Variants in SYT7 observed in about 807,000 individuals in gnomAD.
SYT7 encodes synaptotagmin-7.
A neutral mutation model predicts 75.1 loss-of-function variants in SYT7; 29 were observed. That is an observed-to-expected ratio of 0.39 (90% CI 0.29 to 0.53). The LOEUF (loss-of-function observed/expected upper bound fraction) is 0.53. Among genes scored for constraint, SYT7 ranks in the 20% least tolerant of loss-of-function variants. The pLI is 0.77. For synonymous variants in SYT7, 376 were observed against 401.7 expected (o/e 0.94, Z 0.76); for missense variants, 693 against 953.2 (o/e 0.73, Z 3.59).
chr11:61,551,300 T>C lies in SYT7; in HGVS notation c.215+84A>G. 1 of 1,279,606 alleles carries C rather than the reference T, an allele frequency of 7.8e-7. No individual in the cohort carries two copies. 79.3% of individuals were successfully genotyped at this position (1,279,606 alleles called of 1,614,324 possible). ...GGGGAAGTGAAAGTGTGTGGTCAGG[T>C]CTGTGGGGCTGGGGGAGAGAAGGGG... On this transcript the variant is annotated intron_variant, in intron 3 of 12. Transcript: ENST00000539008. The surrounding 1 kb of genome is among the most constrained non-coding windows in gnomAD (Gnocchi z 5.3).
Position 61,524,037 on chromosome 11 carries a change from G to C in SYT7, c.1642-96C>G, listed in dbSNP as rs1466231874. ...AGGTCCCCTCTACCCTGACCTTGGT[G>C]CTTACCCATGCCCCTGTCTGTCACC... On this transcript the variant is annotated intron_variant, in intron 10 of 12. Transcript: ENST00000539008. This position sits in a 1 kb window ranked among gnomAD's most constrained non-coding sequence, Gnocchi z 4.1. 5.5e-6 allele frequency: 6 copies of C among 1,087,778 alleles called. No homozygotes were observed. Among genetic ancestry groups the C allele is most frequent in the Non-Finnish European group, 8.3e-6 (6 of 720,858 alleles). 67.4% of individuals were successfully genotyped at this position (1,087,778 alleles called of 1,614,324 possible). A position where few individuals can be genotyped will look rare whatever the true frequency, so the allele number is the denominator to read the frequency against.
chr11:61,518,789 C>G (rs1409861951), intron 12 of SYT7, 58 bp from the exon 13 acceptor site: 2 of 1,308,810 alleles, frequency 1.5e-6, no homozygotes, highest in African/African-American at 3.0e-5. Context: ...TGGCCCTTTC[C>G]CCCACAGGGG....
chr11:61,534,435 G>GCACA (rs1167722454), intron 7 of SYT7, among the ~76,000 whole-genome samples: 51 of 6,704 alleles, frequency 7.6e-3, no homozygotes, highest in South Asian at 0.061. Context: ...ATACACACAC[G>GCACA]CACACGCACG....
intron 1 of SYT7, among the ~76,000 whole-genome samples, chr11:61,571,173 C>A (rs914267594): frequency 6.6e-6 from 1 of 152,220 alleles, no homozygotes; most frequent in African/African-American, 2.4e-5. Context: ...ACCCTCTCAG[C>A]CCCTGCTTGG....
At chr11:61,563,549 C>T (rs551458687) in intron 1 of SYT7, among the ~76,000 whole-genome samples, 1 of 152,300 alleles carries the variant, frequency 6.6e-6, no homozygotes, top group African/African-American at 2.4e-5. Flanking sequence ...TGAGCCCATC[C>T]TTTCCTGCCC....
rs1367999738 is a variant in SYT7, at chr11:61,546,750, A to G, written c.347+427T>C. On this transcript the variant is annotated intron_variant, in intron 4 of 12. Coordinates refer to ENST00000539008, the MANE Select transcript of SYT7 (RefSeq NM_001365809.2). The surrounding 1 kb of genome is among the most constrained non-coding windows in gnomAD (Gnocchi z 7.6). Reference sequence around the variant, plus strand: ...CACCACCACCACCATCACCGCCACCACCGCCACGAACCACCGACCACCGAC... The same window carrying G: ...CACCACCACCACCATCACCGCCACCGCCGCCACGAACCACCGACCACCGAC... 2.4e-5 allele frequency: 10 copies of G among 418,584 alleles called. No homozygotes were observed. Among genetic ancestry groups the G allele is most frequent in the Non-Finnish European group, 4.3e-5 (9 of 209,716 alleles). The allele number at this position is 418,584 out of a possible 1,614,324, so 25.9% of individuals were successfully genotyped here. A position where few individuals can be genotyped will look rare whatever the true frequency, so the allele number is the denominator to read the frequency against.
In SYT7 at chr11:61,513,952, A is replaced by C. The variant is rs2062102599; in HGVS notation, c.*4675T>G. Among the ~76,000 whole-genome samples the C allele has an allele frequency of 6.6e-6, 1 of 151,960 alleles. No individual in the cohort carries two copies. Among genetic ancestry groups the C allele is most frequent in the South Asian group, 2.1e-4 (1 of 4,826 alleles). ...CTGGTTGTCTTTGCGTGGGAGGGAG[A>C]GGAGCGCAGGACGTAACCCAGGACA... On this transcript the variant is annotated 3_prime_UTR_variant, in exon 13 of 13. Coordinates refer to ENST00000539008, the MANE Select transcript of SYT7 (RefSeq NM_001365809.2).
upstream of SYT7, among the ~76,000 whole-genome samples, chr11:61,581,438 G>C (rs2064271040): frequency 6.6e-6 from 1 of 152,154 alleles, no homozygotes; most frequent in Non-Finnish European, 1.5e-5. Flanking sequence ...CCGCAGAGCC[G>C]GCCACCTCCT....
In SYT7 at chr11:61,518,330, G is replaced by A. The variant is rs2062201404; in HGVS notation, c.*297C>T. ...GGCGGGCCTCTGGAGGGGTCTGCCT[G>A]TCTGGCCGTCTGGCTCTCGAGCTCC... On this transcript the variant is annotated 3_prime_UTR_variant, in exon 13 of 13. Coordinates refer to ENST00000539008, the MANE Select transcript of SYT7 (RefSeq NM_001365809.2). 3.4e-6 allele frequency: 1 copy of A among 296,940 alleles called. No homozygotes were observed. The highest frequency in any genetic ancestry group is 5.1e-5 in the Admixed American group (1 of 19,620). The allele number at this position is 296,940 out of a possible 1,614,324, so 18.4% of individuals were successfully genotyped here.
chr11:61,534,144 G>A (rs545765915), intron 7 of SYT7, among the ~76,000 whole-genome samples: 318 of 152,298 alleles, frequency 2.1e-3, no homozygotes, highest in South Asian at 8.9e-3. Context: ...AGGAGGAGAC[G>A]GGGGACCAGT....
intron 6 of SYT7, 97 bp from the exon 7 acceptor site, chr11:61,538,363 GAGAGAGAGAGAGAGAGAGAGAGAGAA>G: frequency 1.6e-5 from 13 of 801,820 alleles, no homozygotes; most frequent in Non-Finnish European, 2.4e-5. Flanking sequence ...GAGAGAGAGA[GAGAGAGAGAGAGAGAGAGAGAGAGAA>G]AGAGAGAGAG....
chr11:61,554,617 C>T (rs554033035), intron 2 of SYT7, among the ~76,000 whole-genome samples: 13 of 152,262 alleles, frequency 8.5e-5, no homozygotes, highest in Admixed American at 1.3e-4. Flanking sequence ...GCCTAAGGGG[C>T]CCTGCAACAA....
At chr11:61,531,170 C>T (rs1049559148) in intron 8 of SYT7, 8 of 980,788 alleles carry the variant, frequency 8.2e-6, no homozygotes, top group East Asian at 1.1e-4. Context: ...TTAACATCAA[C>T]GACCTAGCAT....
intron 3 of SYT7, among the ~76,000 whole-genome samples, 188 bp from the exon 4 acceptor site, chr11:61,547,496 GCATACACGCACACGCACA>G (rs1353694200): frequency 2.6e-5 from 4 of 151,406 alleles, no homozygotes; most frequent in African/African-American, 9.8e-5. Context: ...GCACACGCAC[GCATACACGCACACGCACA>G]CATGTGCAAA....
In SYT7 at chr11:61,517,382, G is replaced by T; in HGVS notation, c.*1245C>A. On this transcript the variant is annotated 3_prime_UTR_variant, in exon 13 of 13. Transcript: ENST00000539008. ...CCTCCTTTCCCTGCACTGTGAGTGA[G>T]TCGGGCAGAAGGAGCTGCTCCCGGG... 1 of 398,758 alleles carries T rather than the reference G, an allele frequency of 2.5e-6. No homozygotes were observed. 24.7% of individuals were successfully genotyped at this position (398,758 alleles called of 1,614,324 possible).
chr11:61,540,879 G>T, intron 6 of SYT7: 1 of 985,510 alleles, frequency 1.0e-6, no homozygotes, highest in Non-Finnish European at 1.2e-6. Flanking sequence ...CCACCTGGAA[G>T]ACCGGAGGCT....
chr11:61,564,011 C>T (rs570262080), intron 1 of SYT7, among the ~76,000 whole-genome samples: 1 of 152,236 alleles, frequency 6.6e-6, no homozygotes, highest in African/African-American at 2.4e-5. Context: ...ATGACAGGCA[C>T]TCATAGCAGT....
chr11:61,545,263 T>C (rs1345682574), intron 5 of SYT7, among the ~76,000 whole-genome samples: 2 of 152,266 alleles, frequency 1.3e-5, no homozygotes, highest in Non-Finnish European at 1.5e-5. Context: ...AGACAGCTAT[T>C]ACAGAGGGGA....
chr11:61,574,701 G>C (rs1373340325), intron 1 of SYT7, among the ~76,000 whole-genome samples: 1 of 151,912 alleles, frequency 6.6e-6, no homozygotes, highest in Non-Finnish European at 1.5e-5. Context: ...TCTGAGGGGT[G>C]CTGGAGCAAG....
Sources: allele counts gnomAD v4.1 joint callset (sites outside exome capture counted in the v4.1 genomes callset), GRCh38; gene constraint gnomAD v4.1.1; non-coding constraint Gnocchi (gnomAD v3.1); transcripts MANE v1.5; gene names NCBI Gene and HGNC (gene_info 2026-07-23, HGNC 2026-07-21).